DAB1: variants seen among roughly 807,000 people sequenced by gnomAD.
DAB1 encodes DAB adaptor protein 1.
A neutral mutation model predicts 64.6 loss-of-function variants in DAB1; 15 were observed. The observed-to-expected ratio is 0.23, with a 90% CI of 0.16 to 0.36. The LOEUF is 0.36. Ranked by LOEUF, DAB1 falls within the 10% of genes least tolerant of loss-of-function variation. DAB1 has a pLI of 1.00. For synonymous variants in DAB1, 235 were observed against 251.9 expected (o/e 0.93, Z 0.64); for missense variants, 596 against 706.7 (o/e 0.84, Z 1.78).
intron 1 of DAB1, among the ~76,000 whole-genome samples, chr1:58,541,293 CAAAAAAAAAAAAAAAA>C (rs71043292): frequency 6.3e-3 from 174 of 27,542 alleles, no homozygotes; most frequent in Admixed American, 0.011. Context: ...GACTCTGTCT[CAAAAAAAAAAAAAAAA>C]AAAAAAAAAA....
At chr1:57,481,309 A>G (rs1407529651) in intron 7 of DAB1, among the ~76,000 whole-genome samples, 5 of 152,186 alleles carry the variant, frequency 3.3e-5, no homozygotes, top group Non-Finnish European at 5.9e-5. Flanking sequence ...TCCGTTTTCT[A>G]CTAGGCCTCT....
At chr1:58,108,865 T>C (rs1651812117) in intron 5 of DAB1, among the ~76,000 whole-genome samples, 1 of 152,218 alleles carries the variant, frequency 6.6e-6, no homozygotes, top group South Asian at 2.1e-4. Context: ...GACAGCACTC[T>C]TAAGTAGAGA....
rs574397760 is a variant in DAB1 at position 57,054,301 on chromosome 1, T to C, written c.723+8583A>G. Among the ~76,000 whole-genome samples, 7 of 152,182 alleles carry C rather than the reference T, an allele frequency of 4.6e-5. No individual in the cohort carries two copies. In the East Asian group the frequency reaches 1.4e-3, roughly 29 times the overall value. On this transcript the variant is annotated intron_variant, in intron 9 of 14. Coordinates refer to ENST00000371236, the MANE Select transcript of DAB1 (RefSeq NM_001365792.1). The stretch of plus-strand genomic sequence containing the variant: ...CCAAGTTCAGTGTTATAAGGTGTGA[T>C]AGAGTCTGAAATAGGCACTTGAGTG...
chr1:57,552,949 G>A lies in DAB1; in HGVS notation n.625+96643C>T, dbSNP rs1364283591. ...AGGTGACACATTTGGGATATATTAA[G>A]GGGCCGATTGTATGAGGCTTCTGGG... On this transcript the variant is annotated intron_variant and non_coding_transcript_variant, in intron 7 of 20. Transcript: ENST00000485760. Among the ~76,000 whole-genome samples the A allele has an allele frequency of 7.2e-5, 11 of 152,116 alleles. No homozygotes were observed. The East Asian group carries it at 1.9e-3, about 27-fold the overall frequency.
chr1:57,128,196 A>AATG (rs1657330218), intron 4 of DAB1, among the ~76,000 whole-genome samples: 2 of 148,154 alleles, frequency 1.3e-5, no homozygotes, highest in Admixed American at 1.4e-4. Flanking sequence ...AATAAATAAT[A>AATG]CAATTCTTTA....
At chr1:58,417,882 T>C (rs140079235) in intron 3 of DAB1, among the ~76,000 whole-genome samples, 139 of 152,292 alleles carry the variant, frequency 9.1e-4, no homozygotes, top group African/African-American at 3.2e-3. Context: ...TCCTCAACTA[T>C]AAAATGAGAG....
intron 7 of DAB1, among the ~76,000 whole-genome samples, chr1:57,534,614 T>C (rs1644703956): frequency 6.6e-6 from 1 of 152,168 alleles, no homozygotes; most frequent in African/African-American, 2.4e-5. Context: ...TTATTTTCCT[T>C]GTGTTTTGCC....
At chr1:57,746,971 T>C (rs1648305493) in intron 6 of DAB1, among the ~76,000 whole-genome samples, 1 of 152,224 alleles carries the variant, frequency 6.6e-6, no homozygotes, top group African/African-American at 2.4e-5. Flanking sequence ...GGTGACCACA[T>C]AACCAACATC....
intron 3 of DAB1, among the ~76,000 whole-genome samples, chr1:58,347,689 G>T (rs938734989): frequency 6.6e-6 from 1 of 152,188 alleles, no homozygotes; most frequent in East Asian, 1.9e-4. Context: ...TTATCACAGG[G>T]AGGCCAAACC....
intron 5 of DAB1, among the ~76,000 whole-genome samples, chr1:58,025,938 G>A (rs1646888694): frequency 6.6e-6 from 1 of 151,804 alleles, no homozygotes; most frequent in Non-Finnish European, 1.5e-5. Context: ...CATTGTTCTT[G>A]TTCTCACCTC....
At chr1:57,510,924 A>G (rs1644398223) in intron 7 of DAB1, among the ~76,000 whole-genome samples, 1 of 152,172 alleles carries the variant, frequency 6.6e-6, no homozygotes, top group South Asian at 2.1e-4. Context: ...GATTACAGGC[A>G]TGAGCCACCG....
chr1:57,776,425 A>G (rs1356889193), intron 6 of DAB1, among the ~76,000 whole-genome samples: 2 of 151,766 alleles, frequency 1.3e-5, no homozygotes, highest in African/African-American at 4.8e-5. Flanking sequence ...TTGCATGTTT[A>G]TATTAGTTAC....
chr1:58,020,528 A>C (rs1251327175), intron 5 of DAB1, among the ~76,000 whole-genome samples: 1 of 152,180 alleles, frequency 6.6e-6, no homozygotes, highest in Non-Finnish European at 1.5e-5. Context: ...AATTCCAGCT[A>C]TTTCTCCAAC....
intron 1 of DAB1, among the ~76,000 whole-genome samples, chr1:57,870,157 G>A (rs1424719297): frequency 6.6e-6 from 1 of 152,110 alleles, no homozygotes; most frequent in African/African-American, 2.4e-5. Flanking sequence ...CTATATCTAA[G>A]TGGCATATGC....
At chr1:57,573,962 C>T (rs891314785) in intron 7 of DAB1, among the ~76,000 whole-genome samples, 2 of 152,226 alleles carry the variant, frequency 1.3e-5, no homozygotes, top group East Asian at 1.9e-4. Flanking sequence ...GGTCTCACAA[C>T]TCATGTGGCT....
chr1:57,606,376 C>CTATATATA (rs58167700), intron 7 of DAB1, among the ~76,000 whole-genome samples: 25,138 of 117,776 alleles, frequency 0.21, 3,027 homozygotes, highest in East Asian at 0.32. Flanking sequence ...CATTCTAATC[C>CTATATATA]TATATATATA....
intron 4 of DAB1, among the ~76,000 whole-genome samples, chr1:58,256,658 T>C (rs1434533791): frequency 2.0e-5 from 3 of 152,234 alleles, no homozygotes; most frequent in Non-Finnish European, 4.4e-5. Context: ...ATGTTTATAC[T>C]GTCTGTCTGT....
chr1:57,256,608 T>C (rs1290744084), intron 2 of DAB1, among the ~76,000 whole-genome samples: 1 of 152,132 alleles, frequency 6.6e-6, no homozygotes, highest in East Asian at 1.9e-4. Flanking sequence ...CACTCAACTT[T>C]CTAGACACCA....
chr1:58,096,311 G>A (rs1316185034), intron 5 of DAB1, among the ~76,000 whole-genome samples: 4 of 152,130 alleles, frequency 2.6e-5, no homozygotes, highest in Non-Finnish European at 5.9e-5. Flanking sequence ...TTTCTAATGT[G>A]TTTCAAACCA....
Sources: allele counts gnomAD v4.1 joint callset (sites outside exome capture counted in the v4.1 genomes callset), GRCh38; gene constraint gnomAD v4.1.1; transcripts MANE v1.5; gene names NCBI Gene and HGNC (gene_info 2026-07-23, HGNC 2026-07-21).